FTCD: variants seen among roughly 807,000 people sequenced by gnomAD.
FTCD encodes the protein formimidoyltransferase-cyclodeaminase.
In FTCD, 76 loss-of-function variants were observed where a neutral mutation model predicts 62.9. The observed-to-expected ratio is 1.21, with a 90% CI of 1.00 to 1.46. The LOEUF (loss-of-function observed/expected upper bound fraction) is 1.46, where lower values mean the gene tolerates loss of function less well. Ranked by LOEUF, FTCD falls within the 40% of genes most tolerant of loss-of-function variation. The pLI is 0.00. For synonymous variants in FTCD, 397 were observed against 336.9 expected (o/e 1.18, Z -1.95); for missense variants, 845 against 751.3 (o/e 1.12, Z -1.46).
At chr21:46,151,484 G>T (rs1025993905) in intron 5 of FTCD, 74 bp downstream of exon 5, 5 of 1,384,744 alleles carry the variant, frequency 3.6e-6, no homozygotes, top group Non-Finnish European at 4.1e-6. Context: ...CGACCTCCCC[G>T]CCTGAGGCTC....
intron 6 of FTCD, 50 bp from the exon 7 acceptor site, chr21:46,150,300 C>T: frequency 6.2e-7 from 1 of 1,609,130 alleles, no homozygotes; most frequent in Non-Finnish European, 8.5e-7. Flanking sequence ...TGGAGAATGG[C>T]CCTGGCTGGA....
At chr21:46,137,793 T>G (rs1306478912) in intron 12 of FTCD, among the ~76,000 whole-genome samples, 2 of 152,162 alleles carry the variant, frequency 1.3e-5, no homozygotes, top group Non-Finnish European at 2.9e-5. Flanking sequence ...CTGCAGAAAG[T>G]GCTGAGCCCA....
At chr21:46,146,393 C>A in intron 7 of FTCD, 66 bp from the exon 8 acceptor site, 1 of 1,110,738 alleles carries the variant, frequency 9.0e-7, no homozygotes, top group Non-Finnish European at 1.3e-6. Context: ...GCCTCGGAAC[C>A]CGCGGGTCCC....
intron 5 of FTCD, among the ~76,000 whole-genome samples, chr21:46,150,924 C>T (rs1413485094): frequency 1.3e-5 from 2 of 152,242 alleles, no homozygotes; most frequent in Non-Finnish European, 1.5e-5. Context: ...ACTGAGTCCA[C>T]GTGGGGGGAC....
chr21:46,138,606 A>G lies in FTCD; in HGVS notation c.1345T>C (p.Ser449Pro). The G allele has an allele frequency of 6.3e-7, 1 of 1,592,286 alleles. No individual in the cohort carries two copies. Among genetic ancestry groups the G allele is most frequent in the Non-Finnish European group, 8.5e-7 (1 of 1,176,432 alleles). ...ALQEGLRRAV[S>P]VPLTLAETVA... is the part of the protein sequence containing the mutation. ...GTCTCCGCCAGCGTCAGCGGCACAG[A>G]GACTGCCCGCCTCAGACCCTCCTGT... The change falls in exon 12 of 14, where the codon TCT becomes CCT. Residue 449 changes from serine to proline, a missense_variant. Physicochemically the swap from Ser to Pro is moderately conservative, Grantham distance 74 (BLOSUM62 -1). Transcript: ENST00000397746.
intron 10 of FTCD, chr21:46,142,859 C>T (rs76059048): frequency 5.3e-5 from 8 of 152,198 alleles, no homozygotes; most frequent in South Asian, 4.1e-4. Flanking sequence ...CGTTTACAAA[C>T]CTTTAGCTAG....
rs559994715 is a variant in FTCD, at chr21:46,155,577, A to C, written c.-54T>G. 1 of 1,488,604 alleles carries C rather than the reference A, an allele frequency of 6.7e-7. No homozygotes were observed. Among genetic ancestry groups the C allele is most frequent in the Admixed American group, 1.7e-5 (1 of 59,878 alleles). The allele number at this position is 1,488,604 out of a possible 1,614,324, so 92.2% of individuals were successfully genotyped here. ...TCTGGGCAGATGGAAGGACAGGGCC[A>C]GTGCTCCGCAGCCGCCGCCAGGGCC... On this transcript the variant is annotated 5_prime_UTR_variant, in exon 1 of 14. Coordinates refer to ENST00000397746, the MANE Select transcript of FTCD (RefSeq NM_206965.2).
chr21:46,149,462 A>T (rs1244714798), intron 7 of FTCD, among the ~76,000 whole-genome samples: 1 of 152,206 alleles, frequency 6.6e-6, no homozygotes, highest in Non-Finnish European at 1.5e-5. Context: ...ACACAAACAG[A>T]CAAAACGTCC....
At chr21:46,138,791 G>A (rs1224130758) in intron 11 of FTCD, 89 bp downstream of exon 11, 18 of 1,426,436 alleles carry the variant, frequency 1.3e-5, no homozygotes, top group South Asian at 4.6e-5. Context: ...GGCCAACCAC[G>A]CCCCGTCACA....
At chr21:46,142,689 C>T (rs1468811873) in intron 10 of FTCD, 1 of 152,240 alleles carries the variant, frequency 6.6e-6, no homozygotes, top group African/African-American at 2.4e-5. Flanking sequence ...CAGCTTGGAA[C>T]AGAACCCGCC....
chr21:46,140,677 C>A (rs57038369), intron 10 of FTCD, among the ~76,000 whole-genome samples: 1 of 151,174 alleles, frequency 6.6e-6, no homozygotes, highest in Non-Finnish European at 1.5e-5. Context: ...TCCACCTTCA[C>A]GTGGCTCACA....
intron 7 of FTCD, among the ~76,000 whole-genome samples, chr21:46,148,366 G>T (rs2079196024): frequency 6.6e-6 from 1 of 152,158 alleles, no homozygotes. Flanking sequence ...GTGCACACCT[G>T]TCGTCCCAAC....
At chr21:46,137,401 G>A in intron 12 of FTCD, 67 bp from the exon 13 acceptor site, 2 of 1,202,502 alleles carry the variant, frequency 1.7e-6, no homozygotes, top group Non-Finnish European at 2.5e-6. Context: ...GAGGGTCTCT[G>A]CCTGACGGGC....
rs553244508 is a variant in FTCD, at chr21:46,154,168, G to A, written c.219C>T (p.Ile73=). Residue 73 remains isoleucine, a synonymous_variant, in exon 2 of 14, where the codon ATC becomes ATT. Transcript: ENST00000397746. ...CCTCACCTTGGTGCCTGCTCATGTC[G>A]ATAAGTCGGGAAGCTACCCGGGCAG... ...LNAARVASRL[I]DMSRHQGEHP... 43 of 1,612,804 alleles carry A rather than the reference G, an allele frequency of 2.7e-5. No individual in the cohort carries two copies. The highest frequency in any genetic ancestry group is 1.7e-4 in the Middle Eastern group (1 of 6,056).
rs2079118726 is a variant in FTCD at position 46,145,486 on chromosome 21, G to C, written c.1191C>G (p.Pro397=). 6 of 1,556,842 alleles carry C rather than the reference G, an allele frequency of 3.9e-6. No individual in the cohort carries two copies. Among genetic ancestry groups the C allele is most frequent in the Admixed American group, 1.9e-5 (1 of 52,568 alleles). Residue 397 remains proline, a synonymous_variant, in exon 10 of 14, where the codon CCC becomes CCG. Coordinates refer to ENST00000397746, the MANE Select transcript of FTCD (RefSeq NM_206965.2). ...TTAGCTTGGCCGAAGCCTCGCGGAA[G>C]GGCGGGATCAGGCGCCGCATCGTCG... ...LDTTMRRLIP[P]FREASAKLTT...
rs2079274417 is a variant in FTCD, at chr21:46,151,538, G to A, written c.636+20C>T. 1 of 1,605,618 alleles carries A rather than the reference G, an allele frequency of 6.2e-7. No individual in the cohort carries two copies. Among genetic ancestry groups the A allele is most frequent in the South Asian group, 1.1e-5 (1 of 90,942 alleles). On this transcript the variant is annotated intron_variant, in intron 5 of 13. Coordinates refer to ENST00000397746, the MANE Select transcript of FTCD (RefSeq NM_206965.2). ...CCGAGGGGCTGGGTGGGGCTCCATGGGGTCAGTGAACGGGGTCACCTGGTC... is the reference window on the plus strand; with the variant it reads ...CCGAGGGGCTGGGTGGGGCTCCATGAGGTCAGTGAACGGGGTCACCTGGTC...
chr21:46,149,474 C>CA (rs1419785355), intron 7 of FTCD, among the ~76,000 whole-genome samples: 2 of 152,186 alleles, frequency 1.3e-5, no homozygotes, highest in African/African-American at 4.8e-5. Context: ...AAAACGTCCC[C>CA]AAAAAATCCA....
rs760263005 is a variant in FTCD at position 46,151,584 on chromosome 21, G to A, written c.610C>T (p.Arg204Trp). The A allele has an allele frequency of 1.1e-5, 18 of 1,612,742 alleles. No individual in the cohort carries two copies. Among genetic ancestry groups the A allele is most frequent in the East Asian group, 6.7e-5 (3 of 44,888 alleles). The change falls in exon 5 of 14, where the codon CGG (arginine) becomes TGG (tryptophan). Residue 204 changes from arginine to tryptophan, a missense_variant. Transcript: ENST00000397746. ...EQAHRIALNL[R>W]EQGRGKDQPG... is the part of the protein sequence containing the mutation. ...TGGTCCTTCCCGCGGCCCTGCTCCC[G>A]CAGGTTGAGCGCGATGCGGTGGGCT...
At chr21:46,138,386 C>T (rs953000823) in intron 12 of FTCD, 122 bp downstream of exon 12, 28 of 934,360 alleles carry the variant, frequency 3.0e-5, no homozygotes, top group African/African-American at 2.3e-4. Flanking sequence ...GGGAACTGCC[C>T]GTGAAGTGAG....
Sources: gnomAD v4.1 joint callset for allele counts (sites outside exome capture counted in the v4.1 genomes callset) on GRCh38, gnomAD v4.1.1 for gene constraint, MANE v1.5 for transcripts, NCBI Gene and HGNC (gene_info 2026-07-23, HGNC 2026-07-21) for gene names.